The following APOBEC3B variants were observed in gnomAD, a reference collection of about 807,000 sequenced individuals.
APOBEC3B encodes DNA dC->dU-editing enzyme APOBEC-3B.
Under a neutral mutation model 53.4 loss-of-function variants are expected in APOBEC3B, and 29 were observed. The observed-to-expected ratio is 0.54, with a 90% CI of 0.40 to 0.74. The LOEUF (loss-of-function observed/expected upper bound fraction) is 0.74. Among genes scored for constraint, APOBEC3B ranks in the 30% least tolerant of loss-of-function variants. The pLI, the probability that APOBEC3B is intolerant of heterozygous loss-of-function variation, is 0.00. For synonymous variants in APOBEC3B, 132 were observed against 184.8 expected (o/e 0.71, Z 2.32); for missense variants, 347 against 496.2 (o/e 0.70, Z 2.86).
intron 1 of APOBEC3B, among the ~76,000 whole-genome samples, chr22:38,982,833 G>C (rs1923588222): frequency 6.7e-6 from 1 of 148,920 alleles, no homozygotes; most frequent in South Asian, 2.2e-4. Flanking sequence ...GAGCAATCAG[G>C]CATTTTTGTT....
In APOBEC3B at chr22:38,982,801, G is replaced by T. The variant is rs866257710; in HGVS notation, c.17+331G>T. On this transcript the variant is annotated intron_variant, in intron 1 of 7. Transcript: ENST00000333467. ...CCACTCCTGAGCTCAGAAACTGGGA[G>T]AATTGAACCAAAGGGTAATTGGAGC... Among the ~76,000 whole-genome samples the T allele has an allele frequency of 6.0e-5, 9 of 148,996 alleles. 1 individual carries two copies. Among genetic ancestry groups the T allele is most frequent in the South Asian group, 2.2e-4 (1 of 4,554 alleles).
intron 4 of APOBEC3B, among the ~76,000 whole-genome samples, chr22:38,988,683 C>CTCTCTTTCTCTCTTTCTCTCTTTCTT (rs1555894372): frequency 4.2e-4 from 20 of 47,490 alleles, no homozygotes; most frequent in Middle Eastern, 0.011. Context: ...TTCTCTCTTT[C>CTCTCTTTCTCTCTTTCTCTCTTTCTT]TCTTTCTTTC....
intron 3 of APOBEC3B, 47 bp from the exon 4 acceptor site, chr22:38,986,251 G>T: frequency 1.9e-6 from 3 of 1,590,948 alleles, no homozygotes; most frequent in Non-Finnish European, 2.6e-6. Flanking sequence ...GGGAGGACAG[G>T]CCAGGGTCAG....
In APOBEC3B at chr22:38,986,177, C is replaced by T. The variant is rs1167896299; in HGVS notation, c.454+86C>T. 11 of 1,574,572 alleles carry T rather than the reference C, an allele frequency of 7.0e-6. 2 individuals are homozygous for T. Among genetic ancestry groups the T allele is most frequent in the East Asian group, 5.0e-5 (2 of 40,142 alleles). ...TCTGCAATGCCATGGCTGGGGGTGT[C>T]CCAGGGCAGCCTGCAGGGGTGGGAC... On this transcript the variant is annotated intron_variant, in intron 3 of 7. Coordinates refer to ENST00000333467, the MANE Select transcript of APOBEC3B (RefSeq NM_004900.5).
intron 2 of APOBEC3B, among the ~76,000 whole-genome samples, chr22:38,985,419 G>A (rs1001509097): frequency 4.7e-5 from 7 of 148,202 alleles, no homozygotes; most frequent in African/African-American, 1.7e-4. Context: ...AGTGGCCTGG[G>A]ATGTCGAGTC....
chr22:38,982,427 G>A lies in APOBEC3B; in HGVS notation c.-27G>A. 1.3e-6 allele frequency: 2 copies of A among 1,593,484 alleles called. No homozygotes were observed. The highest frequency in any genetic ancestry group is 1.7e-6 in the Non-Finnish European group (2 of 1,172,428). On this transcript the variant is annotated 5_prime_UTR_variant, in exon 1 of 8. Coordinates refer to ENST00000333467, the MANE Select transcript of APOBEC3B (RefSeq NM_004900.5). ...AGAGCTTCAAAAAAAGAGCGGGACA[G>A]GGACAAGCGTATCTAAGAGGCTGAA...
chr22:38,988,624 C>CCTTCCTTT (rs1353832018), intron 4 of APOBEC3B, among the ~76,000 whole-genome samples: 1 of 145,660 alleles, frequency 6.9e-6, no homozygotes, highest in East Asian at 2.4e-4. Flanking sequence ...GAGATTCCTT[C>CCTTCCTTT]CTTCCTTCCT....
Position 38,991,599 on chromosome 22 carries a change from G to T in APOBEC3B, c.991G>T (p.Ala331Ser). 6.7e-7 allele frequency: 1 copy of T among 1,482,048 alleles called. No individual in the cohort carries two copies. The highest frequency in any genetic ancestry group is 1.5e-5 in the African/African-American group (1 of 68,668). 91.8% of individuals were successfully genotyped at this position (1,482,048 alleles called of 1,614,324 possible). A position where few individuals can be genotyped will look rare whatever the true frequency, so the allele number is the denominator to read the frequency against. ...EALQMLRDAGAQVSIMTYDEF... is the reference protein window; with the variant it reads ...EALQMLRDAGSQVSIMTYDEF... ...GCTGCAAATGCTGCGGGATGCTGGG[G>T]CCCAAGTCTCCATCATGACCTACGA... The change falls in exon 6 of 8, where the codon GCC becomes TCC. Residue 331 changes from alanine (A) to serine (S), a missense_variant. Transcript: ENST00000333467.
rs1555894372 is a variant in APOBEC3B, at chr22:38,988,683, C to CTCTCTTTCTCTCTCTCTTTCTT, written c.570-771_570-770insCTTTCTCTCTCTCTTTCTTTCT. On this transcript the variant is annotated intron_variant, in intron 4 of 7. Transcript: ENST00000333467. Reference sequence around the variant, plus strand: ...TTGCTTCCTCTCTCTTTCTCTCTTTCTCTTTCTTTCTTTCTTTCTTTCTTT... The same window carrying CTCTCTTTCTCTCTCTCTTTCTT: ...TTGCTTCCTCTCTCTTTCTCTCTTTCTCTCTTTCTCTCTCTCTTTCTTTCTTTCTTTCTTTCTTTCTTTCTTT... 3.4e-4 allele frequency among the ~76,000 whole-genome samples: 16 copies of CTCTCTTTCTCTCTCTCTTTCTT among 47,504 alleles called. No homozygotes were observed. The South Asian group carries it at 3.6e-3, about 11-fold the overall frequency. The allele number at this position is 47,504 out of a possible 152,430, so 31.2% of individuals were successfully genotyped here. A position where few individuals can be genotyped will look rare whatever the true frequency, so the allele number is the denominator to read the frequency against.
chr22:38,988,717 C>CTTTCTTTCTTTCTTTCTT (rs1923858382), intron 4 of APOBEC3B, among the ~76,000 whole-genome samples: 1 of 133,320 alleles, frequency 7.5e-6, no homozygotes, highest in Non-Finnish European at 1.6e-5. Flanking sequence ...TTCTTTCTTT[C>CTTTCTTTCTTTCTTTCTT]TTTCTTTCTT....
At chr22:38,990,830 C>T (rs1923962926) in intron 5 of APOBEC3B, among the ~76,000 whole-genome samples, 1 of 145,666 alleles carries the variant, frequency 6.9e-6, no homozygotes, top group African/African-American at 2.5e-5. Flanking sequence ...TCCGCCGGCC[C>T]CTCCTCCCTG....
chr22:38,984,203 T>C lies in APOBEC3B; in HGVS notation c.146T>C (p.Leu49Pro), dbSNP rs1436958215. Residue 49 changes from leucine (L) to proline (P), a missense_variant, in exon 2 of 8, where the codon CTT becomes CCT. By Grantham distance (98) the Leu-to-Pro change is moderately conservative (BLOSUM62 -3). This residue lies in a region of APOBEC3B where 73 missense variants were observed against 90.9 expected (regional missense o/e 0.80). Transcript: ENST00000333467. Reference protein sequence around the residue: ...VKIKRGRSNLLWDTGVFRGQV... With the variant: ...VKIKRGRSNLPWDTGVFRGQV... ...ATAAAGAGGGGCCGCTCAAATCTCC[T>C]TTGGGACACAGGGGTCTTTCGAGGC... 1.3e-6 allele frequency: 2 copies of C among 1,592,392 alleles called. 1 individual carries two copies. Among genetic ancestry groups the C allele is most frequent in the Admixed American group, 3.6e-5 (2 of 55,848 alleles).
At position 38,982,489 on chromosome 22, in the gene APOBEC3B, C is replaced by G. The variant is rs1179949480; in HGVS notation, c.17+19C>G. 2 of 1,593,264 alleles carry G rather than the reference C, an allele frequency of 1.3e-6. No homozygotes were observed. The highest frequency in any genetic ancestry group is 1.7e-6 in the Non-Finnish European group (2 of 1,172,406). ...AGATCAGGTACCGCTGCCCACTCTG[C>G]CTGCTGGGCCCCTCCTGCCCCTTCC... is the stretch of plus-strand genomic sequence containing the variant. On this transcript the variant is annotated intron_variant, in intron 1 of 7. Transcript: ENST00000333467.
In APOBEC3B at chr22:38,992,224, C is replaced by G. The variant is rs572392139; in HGVS notation, c.1134+75C>G. The G allele has an allele frequency of 7.7e-6, 12 of 1,554,792 alleles. 2 individuals carry two copies. In the East Asian group the frequency reaches 2.8e-4, roughly 36 times the overall value. On this transcript the variant is annotated intron_variant, in intron 7 of 7. Coordinates refer to ENST00000333467, the MANE Select transcript of APOBEC3B (RefSeq NM_004900.5). The stretch of plus-strand genomic sequence containing the variant: ...CCCGCTCCCCTGTGCCTTGCCTTCC[C>G]CTCTGCTCAGAGCCTCCTCTGGGTT...
intron 5 of APOBEC3B, among the ~76,000 whole-genome samples, chr22:38,990,265 C>T (rs1443643918): frequency 1.4e-5 from 2 of 147,708 alleles, no homozygotes; most frequent in African/African-American, 2.5e-5. Context: ...ATGTGGGCCT[C>T]GCTGGATCCA....
At chr22:38,989,433 G>A (rs762991244) in intron 4 of APOBEC3B, 24 bp from the exon 5 acceptor site, 2 of 1,546,414 alleles carry the variant, frequency 1.3e-6, no homozygotes, top group African/African-American at 2.7e-5. Context: ...TAGGGCTTTT[G>A]GTTTCCCCTG....
intron 5 of APOBEC3B, among the ~76,000 whole-genome samples, chr22:38,991,127 A>G (rs1410662122): frequency 1.4e-5 from 2 of 148,138 alleles, no homozygotes; most frequent in African/African-American, 2.4e-5. Flanking sequence ...TTGTATTTAA[A>G]TGGGCAACAT....
At chr22:38,984,329 A>G (rs1390132404) in intron 2 of APOBEC3B, 98 bp downstream of exon 2, 1 of 1,397,656 alleles carries the variant, frequency 7.2e-7, no homozygotes, top group East Asian at 2.9e-5. Context: ...ATTTAGGTGC[A>G]CTGGTTCAGC....
chr22:38,987,433 G>A (rs1923786361), intron 4 of APOBEC3B, among the ~76,000 whole-genome samples: 1 of 148,518 alleles, frequency 6.7e-6, no homozygotes, highest in African/African-American at 2.5e-5. Flanking sequence ...TTCCCTGAAA[G>A]TCACCGCTGG....
Sources: gnomAD v4.1 joint callset for allele counts (sites outside exome capture counted in the v4.1 genomes callset) on GRCh38, gnomAD v4.1.1 for gene constraint, gnomAD v4.1.1 regional missense constraint, MANE v1.5 for transcripts, NCBI Gene and HGNC (gene_info 2026-07-23, HGNC 2026-07-21) for gene names.